MACROD2: variants seen among roughly 807,000 people sequenced by gnomAD.
MACROD2 encodes mono-ADP ribosylhydrolase 2.
MACROD2 carries 36 observed loss-of-function variants against 70.4 expected under a neutral mutation model. That is an observed-to-expected ratio of 0.51 (90% CI 0.39 to 0.68). The LOEUF is 0.68. MACROD2 is among the 30% of genes least tolerant of loss of function. The pLI, the probability that MACROD2 is intolerant of heterozygous loss-of-function variation, is 0.00. For synonymous variants in MACROD2, 172 were observed against 178.8 expected (o/e 0.96, Z 0.30); for missense variants, 496 against 538.4 (o/e 0.92, Z 0.78).
chr20:15,494,381 C>G (rs1292265104), intron 7 of MACROD2, among the ~76,000 whole-genome samples: 2 of 152,010 alleles, frequency 1.3e-5, no homozygotes, highest in Non-Finnish European at 2.9e-5. Flanking sequence ...TGAGAATGTT[C>G]ATGGCAGCTT....
At chr20:14,168,830 G>A (rs1373807188) in intron 3 of MACROD2, among the ~76,000 whole-genome samples, 1 of 152,136 alleles carries the variant, frequency 6.6e-6, no homozygotes, top group East Asian at 1.9e-4. Flanking sequence ...TAGAGAAAGA[G>A]GGAATCCTCC....
chr20:15,367,084 G>A (rs2045421082), intron 6 of MACROD2, among the ~76,000 whole-genome samples: 1 of 149,392 alleles, frequency 6.7e-6, no homozygotes, highest in South Asian at 2.1e-4. Context: ...CTGGAGTGCA[G>A]TGGCATGATC....
At chr20:14,171,019 C>T (rs146089989) in intron 3 of MACROD2, among the ~76,000 whole-genome samples, 23 of 152,160 alleles carry the variant, frequency 1.5e-4, no homozygotes, top group African/African-American at 5.5e-4. Flanking sequence ...TTCAGTCTCG[C>T]TGCTTATTAT....
chr20:14,085,111 C>T (rs1297051970), intron 2 of MACROD2, among the ~76,000 whole-genome samples: 3 of 150,760 alleles, frequency 2.0e-5, no homozygotes, highest in East Asian at 2.0e-4. Context: ...TGCAGTGAGC[C>T]GAGATCACGC....
intron 3 of MACROD2, among the ~76,000 whole-genome samples, chr20:14,407,334 A>T (rs977905367): frequency 1.3e-5 from 2 of 151,570 alleles, no homozygotes; most frequent in African/African-American, 4.8e-5. Flanking sequence ...AGCTGCTCTT[A>T]CTTTGTGTCA....
intron 3 of MACROD2, among the ~76,000 whole-genome samples, chr20:14,283,818 T>C (rs2082324763): frequency 6.6e-6 from 1 of 152,134 alleles, no homozygotes; most frequent in Non-Finnish European, 1.5e-5. Context: ...GAGAAGAATT[T>C]TTTAAAACTG....
chr20:14,505,160 A>G (rs561710501), intron 4 of MACROD2, among the ~76,000 whole-genome samples: 3 of 152,220 alleles, frequency 2.0e-5, no homozygotes, highest in African/African-American at 7.2e-5. Flanking sequence ...TTAGGAACAT[A>G]TGTACCAGTT....
intron 8 of MACROD2, among the ~76,000 whole-genome samples, chr20:15,755,217 A>C (rs1254970957): frequency 6.6e-6 from 1 of 152,190 alleles, no homozygotes; most frequent in Non-Finnish European, 1.5e-5. Context: ...GTTGGGAGCC[A>C]TGCTTTGGGA....
chr20:14,431,998 C>G (rs2083999870), intron 3 of MACROD2, among the ~76,000 whole-genome samples: 1 of 152,162 alleles, frequency 6.6e-6, no homozygotes, highest in Admixed American at 6.6e-5. Flanking sequence ...TGCTGACTAT[C>G]TGTTGTAAGA....
intron 3 of MACROD2, among the ~76,000 whole-genome samples, chr20:14,441,670 C>T (rs1327165119): frequency 3.3e-5 from 5 of 152,144 alleles, no homozygotes. Flanking sequence ...TCAGAAATGA[C>T]TACAGAGATT....
chr20:15,546,940 T>A (rs1458687035), intron 8 of MACROD2, among the ~76,000 whole-genome samples: 1 of 152,140 alleles, frequency 6.6e-6, no homozygotes, highest in African/African-American at 2.4e-5. Context: ...TTCTGGTGAG[T>A]GAACAAAATG....
intron 5 of MACROD2, chr20:14,758,011 G>A (rs1274850736): frequency 5.4e-6 from 4 of 743,402 alleles, no homozygotes; most frequent in African/African-American, 3.4e-5. Context: ...CTGAATTCCA[G>A]TTTAGAGGCG....
chr20:15,546,298 C>A (rs369324531), intron 8 of MACROD2, among the ~76,000 whole-genome samples: 2 of 152,186 alleles, frequency 1.3e-5, no homozygotes, highest in African/African-American at 4.8e-5. Context: ...ACTTCTTGAA[C>A]GTCTGCAGAG....
intron 4 of MACROD2, among the ~76,000 whole-genome samples, chr20:14,535,028 A>G (rs1286867359): frequency 2.6e-5 from 4 of 152,258 alleles, no homozygotes; most frequent in South Asian, 2.1e-4. Flanking sequence ...TGATCCAAGC[A>G]TAAAAAACGA....
At chr20:14,285,798 A>G (rs2082339104) in intron 3 of MACROD2, among the ~76,000 whole-genome samples, 1 of 152,018 alleles carries the variant, frequency 6.6e-6, no homozygotes, top group Non-Finnish European at 1.5e-5. Flanking sequence ...ATATTTTCTC[A>G]TTCAGTCCCT....
At chr20:14,645,688 TATTTAC>T (rs1322313158) in intron 4 of MACROD2, among the ~76,000 whole-genome samples, 1 of 152,000 alleles carries the variant, frequency 6.6e-6, no homozygotes, top group Non-Finnish European at 1.5e-5. Context: ...CATGGTACAT[TATTTAC>T]TTGCATTCAA....
intron 8 of MACROD2, among the ~76,000 whole-genome samples, chr20:15,742,481 A>T (rs1188311818): frequency 6.6e-6 from 1 of 152,242 alleles, no homozygotes; most frequent in Non-Finnish European, 1.5e-5. Context: ...GCACTGATAG[A>T]CAATAATTTA....
chr20:14,227,134 T>C (rs919676091), intron 3 of MACROD2, among the ~76,000 whole-genome samples: 1 of 152,152 alleles, frequency 6.6e-6, no homozygotes, highest in African/African-American at 2.4e-5. Flanking sequence ...ATCTAGCTAC[T>C]CTGGTGGGGC....
At chr20:14,918,283 T>G (rs1312904333) in intron 5 of MACROD2, among the ~76,000 whole-genome samples, 1 of 152,138 alleles carries the variant, frequency 6.6e-6, no homozygotes, top group Non-Finnish European at 1.5e-5. Context: ...AAAAGGTTTT[T>G]CATGATGAGA....
Sources: gnomAD v4.1 joint callset for allele counts (sites outside exome capture counted in the v4.1 genomes callset) on GRCh38, gnomAD v4.1.1 for gene constraint, MANE v1.5 for transcripts, NCBI Gene and HGNC (gene_info 2026-07-23, HGNC 2026-07-21) for gene names.